SPIRE1: variants seen among roughly 807,000 people sequenced by gnomAD.
SPIRE1 encodes spire type actin nucleation factor 1.
In SPIRE1, 40 loss-of-function variants were observed where a neutral mutation model predicts 94.1. The ratio of observed to expected loss-of-function variants is 0.43; its 90% CI spans 0.33 to 0.55. The LOEUF (loss-of-function observed/expected upper bound fraction) is 0.55, where lower values mean the gene tolerates loss of function less well. SPIRE1 is among the 20% of genes least tolerant of loss of function. SPIRE1 has a pLI of 0.06. For missense variants in SPIRE1, 838 were observed against 975.2 expected (o/e 0.86, Z 1.87); for synonymous variants, 376 against 371.7 (o/e 1.01, Z -0.13).
chr18:12,623,297 G>T (rs1453535307), intron 2 of SPIRE1, among the ~76,000 whole-genome samples: 1 of 151,882 alleles, frequency 6.6e-6, no homozygotes, highest in African/African-American at 2.4e-5. Flanking sequence ...GGGACTACAG[G>T]CGCCCGCCAC....
In SPIRE1 at chr18:12,484,191, C is replaced by T. The variant is rs955424829; in HGVS notation, c.1231+1768G>A. Among the ~76,000 whole-genome samples the T allele has an allele frequency of 3.9e-5, 6 of 152,230 alleles. No homozygotes were observed. The East Asian group carries it at 5.8e-4, about 15-fold the overall frequency. ...CAATGTGTTTAGGCAGCCAACCACT[C>T]GCTTTCTTATTACGGTCCAACTAAT... On this transcript the variant is annotated intron_variant, in intron 9 of 16. Coordinates refer to ENST00000409402, the MANE Select transcript of SPIRE1 (RefSeq NM_001128626.2).
chr18:12,510,996 T>A (rs138224205), intron 5 of SPIRE1, among the ~76,000 whole-genome samples: 2 of 152,202 alleles, frequency 1.3e-5, no homozygotes, highest in Admixed American at 1.3e-4. Context: ...ATGTGTCACA[T>A]GAATAAACCA....
At chr18:12,557,520 C>T (rs970116008) in intron 2 of SPIRE1, among the ~76,000 whole-genome samples, 3 of 152,118 alleles carry the variant, frequency 2.0e-5, no homozygotes, top group Non-Finnish European at 2.9e-5. Flanking sequence ...CCCGCCCACA[C>T]CTCTCTCTCC....
At position 12,479,723 on chromosome 18, in the gene SPIRE1, G is replaced by C; in HGVS notation, c.1380C>G (p.Ala460=). The C allele has an allele frequency of 4.3e-6, 7 of 1,613,542 alleles. No individual in the cohort carries two copies. Among genetic ancestry groups the C allele is most frequent in the Non-Finnish European group, 5.9e-6 (7 of 1,179,852 alleles). ...RKKLLRAPTL[A]ELDSSESEEE... ...CCTCAGACTCAGAGCTGTCCAGTTCGGCCAGAGTTGGGGCTCTGAGGAGCT... is the reference window on the plus strand; with the variant it reads ...CCTCAGACTCAGAGCTGTCCAGTTCCGCCAGAGTTGGGGCTCTGAGGAGCT... Residue 460 remains alanine, a synonymous_variant, in exon 10 of 17, where the codon GCC becomes GCG. Transcript: ENST00000409402.
chr18:12,574,251 A>C (rs926360338), intron 2 of SPIRE1, among the ~76,000 whole-genome samples: 4 of 152,216 alleles, frequency 2.6e-5, no homozygotes, highest in Non-Finnish European at 1.5e-5. Flanking sequence ...TTTTAAAAAA[A>C]TAGATAGATA....
chr18:12,576,218 G>T (rs2036091240), intron 2 of SPIRE1, among the ~76,000 whole-genome samples: 1 of 151,368 alleles, frequency 6.6e-6, no homozygotes, highest in Non-Finnish European at 1.5e-5. Flanking sequence ...AAGAAAAAAA[G>T]TATATGGAAA....
At chr18:12,654,786 T>A (rs1345590506) in intron 1 of SPIRE1, among the ~76,000 whole-genome samples, 1 of 151,998 alleles carries the variant, frequency 6.6e-6, no homozygotes, top group Non-Finnish European at 1.5e-5. Flanking sequence ...TCCCAGCACT[T>A]TGGGAGGCCG....
chr18:12,467,792 A>G (rs533660572), intron 10 of SPIRE1, among the ~76,000 whole-genome samples: 1 of 152,276 alleles, frequency 6.6e-6, no homozygotes, highest in Admixed American at 6.5e-5. Context: ...TCTACTAAAA[A>G]TACAAAATAA....
intron 2 of SPIRE1, among the ~76,000 whole-genome samples, chr18:12,573,987 C>T (rs953652727): frequency 1.3e-5 from 2 of 152,202 alleles, no homozygotes; most frequent in Non-Finnish European, 2.9e-5. Flanking sequence ...GATCCACCCA[C>T]CTCATTCTCC....
intron 13 of SPIRE1, 23 bp from the exon 14 acceptor site, chr18:12,453,161 G>GA (rs750395503): frequency 5.3e-5 from 82 of 1,561,798 alleles, no homozygotes; most frequent in South Asian, 2.0e-4. Context: ...AATTTAAGAG[G>GA]AAAAAAAACA....
chr18:12,557,312 G>A (rs558338127), intron 2 of SPIRE1, among the ~76,000 whole-genome samples: 20 of 152,328 alleles, frequency 1.3e-4, no homozygotes, highest in African/African-American at 3.8e-4. Context: ...GCAGGCAGCT[G>A]AGGCCCAGTG....
At chr18:12,659,548 T>C (rs1267507890), upstream of SPIRE1, among the ~76,000 whole-genome samples, 3 of 152,032 alleles carry the variant, frequency 2.0e-5, no homozygotes, top group Admixed American at 1.3e-4. Context: ...CGCACGCTTG[T>C]AATCCCAGCT....
intron 4 of SPIRE1, among the ~76,000 whole-genome samples, chr18:12,517,253 T>C (rs945111022): frequency 1.3e-5 from 2 of 152,232 alleles, no homozygotes; most frequent in Non-Finnish European, 2.9e-5. Flanking sequence ...GTGAATACTT[T>C]TACTCCATCA....
At chr18:12,495,144 C>T (rs1480699699) in intron 7 of SPIRE1, among the ~76,000 whole-genome samples, 2 of 151,044 alleles carry the variant, frequency 1.3e-5, no homozygotes, top group Non-Finnish European at 2.9e-5. Context: ...TAGTTGTATA[C>T]AAACTGAGAA....
chr18:12,536,065 G>A (rs1271249204), intron 3 of SPIRE1, among the ~76,000 whole-genome samples: 1 of 152,156 alleles, frequency 6.6e-6, no homozygotes, highest in Non-Finnish European at 1.5e-5. Flanking sequence ...AAGACCATCA[G>A]TAAGGTCTAC....
Position 12,506,583 on chromosome 18 carries a change from A to G in SPIRE1, c.866T>C (p.Val289Ala). The G allele has an allele frequency of 6.2e-7, 1 of 1,614,052 alleles. No individual in the cohort carries two copies. Residue 289 changes from valine (V) to alanine (A), a missense_variant, in exon 6 of 17, where the codon GTC (valine) becomes GCC (alanine). Val to Ala is a moderately conservative substitution (Grantham distance 64). This residue lies in a region of SPIRE1 where 645 missense variants were observed against 804.7 expected (regional missense o/e 0.80). Transcript: ENST00000409402. ...CAAAGGGTTGTACTGCCGCTCTTGG[A>G]CCTTCTTAAGTTTTACCCCATTCCT... ...DLRNGVKLKK[V>A]QERQYNPLPI...
intron 1 of SPIRE1, among the ~76,000 whole-genome samples, chr18:12,653,784 T>C (rs2038446577): frequency 6.6e-6 from 1 of 151,576 alleles, no homozygotes; most frequent in Non-Finnish European, 1.5e-5. Flanking sequence ...CCGTCTCTAC[T>C]AAAAATACAA....
Position 12,584,969 on chromosome 18 carries a change from C to T in SPIRE1, c.373-38065G>A, listed in dbSNP as rs538119636. Among the ~76,000 whole-genome samples, 16 of 152,128 alleles carry T rather than the reference C, an allele frequency of 1.1e-4. 2 individuals are homozygous for T. The South Asian group carries it at 3.1e-3, about 30-fold the overall frequency. On this transcript the variant is annotated intron_variant, in intron 2 of 16. Coordinates refer to ENST00000409402, the MANE Select transcript of SPIRE1 (RefSeq NM_001128626.2). Reference sequence around the variant, plus strand: ...TACAGGCATGTGCCACCATGCCTGGCTAAATTTTGTATTTTTAGTAGAGAT... The same window carrying T: ...TACAGGCATGTGCCACCATGCCTGGTTAAATTTTGTATTTTTAGTAGAGAT...
At chr18:12,452,688 C>A in intron 14 of SPIRE1, 176 bp from the exon 15 acceptor site, 1 of 683,010 alleles carries the variant, frequency 1.5e-6, no homozygotes. Context: ...ATCTACAGAA[C>A]TTAACTCTTA....
Sources: allele counts gnomAD v4.1 joint callset (sites outside exome capture counted in the v4.1 genomes callset), GRCh38; gene constraint gnomAD v4.1.1; regional missense constraint gnomAD v4.1.1; transcripts MANE v1.5; gene names NCBI Gene and HGNC (gene_info 2026-07-23, HGNC 2026-07-21).